OSMR: variants seen among roughly 807,000 people sequenced by gnomAD.
OSMR encodes oncostatin M receptor.
In OSMR, 81 loss-of-function variants were observed where a neutral mutation model predicts 99.9. That is an observed-to-expected ratio of 0.81 (90% CI 0.68 to 0.97). The LOEUF is 0.97. Ranked by LOEUF, OSMR falls within the 50% of genes least tolerant of loss-of-function variation. OSMR has a pLI of 0.00. For synonymous variants in OSMR, 406 were observed against 410.4 expected (o/e 0.99, Z 0.13); for missense variants, 1,099 against 1,153.4 (o/e 0.95, Z 0.68).
At chr5:38,881,265 G>T (rs1362553192) in intron 3 of OSMR, among the ~76,000 whole-genome samples, 2 of 152,000 alleles carry the variant, frequency 1.3e-5, no homozygotes, top group African/African-American at 4.8e-5. Context: ...GATTCTCTGG[G>T]ACTGGCACAG....
chr5:38,904,860 T>C (rs1226300533), intron 9 of OSMR, among the ~76,000 whole-genome samples: 2 of 152,226 alleles, frequency 1.3e-5, no homozygotes, highest in African/African-American at 4.8e-5. Context: ...AGCATTGGTC[T>C]CATCCTAAAC....
At chr5:38,882,897 C>T (rs186789792) in intron 4 of OSMR, among the ~76,000 whole-genome samples, 7 of 152,316 alleles carry the variant, frequency 4.6e-5, no homozygotes, top group East Asian at 1.9e-4. Context: ...AAGGTCACCA[C>T]GCCACTAAGT....
chr5:38,915,051 TAGGG>T (rs771940241), intron 9 of OSMR, among the ~76,000 whole-genome samples: 3 of 152,158 alleles, frequency 2.0e-5, no homozygotes, highest in Non-Finnish European at 4.4e-5. Context: ...TAAAATGTAA[TAGGG>T]AGGGATATGA....
At chr5:38,925,912 AC>A (rs1414187305) in intron 15 of OSMR, among the ~76,000 whole-genome samples, 1 of 152,206 alleles carries the variant, frequency 6.6e-6, no homozygotes, top group African/African-American at 2.4e-5. Context: ...ATACTTGCTC[AC>A]AAACTCCCTG....
rs553853777 is a variant in OSMR at position 38,886,957 on chromosome 5, C to G, written c.991+767C>G. 2.6e-5 allele frequency among the ~76,000 whole-genome samples: 4 copies of G among 152,288 alleles called. No homozygotes were observed. In the East Asian group the frequency reaches 7.7e-4, roughly 29 times the overall value. On this transcript the variant is annotated intron_variant, in intron 7 of 17. Coordinates refer to ENST00000274276, the MANE Select transcript of OSMR (RefSeq NM_003999.3). ...CAATTATACTCCCACCCTGTAGATT[C>G]ATATATTCTTACCAAGTTGGTATTG...
chr5:38,942,452 A>T lies in OSMR; in HGVS notation c.75-1749A>T, dbSNP rs1026035890. ...TATAACATATTTATATAAATATCTA[A>T]TTTTTTTTTTTTTTTGAGATAGGGT... On this transcript the variant is annotated intron_variant and NMD_transcript_variant, in intron 1 of 2. Coordinates refer to the OSMR transcript ENST00000508882. 45 of 564,528 alleles carry T rather than the reference A, an allele frequency of 8.0e-5. 1 individual carries two copies. The highest frequency in any genetic ancestry group is 4.6e-4 in the South Asian group (11 of 23,894). 35.0% of individuals were successfully genotyped at this position (564,528 alleles called of 1,614,324 possible). A position where few individuals can be genotyped will look rare whatever the true frequency, so the allele number is the denominator to read the frequency against.
At chr5:38,927,739 TAC>T (rs1183449376) in intron 15 of OSMR, among the ~76,000 whole-genome samples, 1 of 152,204 alleles carries the variant, frequency 6.6e-6, no homozygotes, top group Non-Finnish European at 1.5e-5. Context: ...ATTTTTCAGA[TAC>T]ACGTGGCTGT....
chr5:38,920,546 T>C (rs770665952), intron 11 of OSMR, among the ~76,000 whole-genome samples: 4 of 152,202 alleles, frequency 2.6e-5, no homozygotes, highest in Non-Finnish European at 4.4e-5. Flanking sequence ...GTGGATGGGA[T>C]CTATAAAGCC....
intron 4 of OSMR, 106 bp from the exon 5 acceptor site, chr5:38,883,721 G>A: frequency 6.3e-7 from 1 of 1,590,068 alleles, no homozygotes; most frequent in Admixed American, 1.7e-5. Flanking sequence ...TTTTCTCCAG[G>A]AGGTAGAAAA....
intron 9 of OSMR, among the ~76,000 whole-genome samples, chr5:38,916,053 A>G (rs1425744236): frequency 1.3e-5 from 2 of 152,182 alleles, no homozygotes; most frequent in African/African-American, 2.4e-5. Context: ...TGTGAAGTTC[A>G]TACCATGACA....
chr5:38,942,449 C>T, intron 1 of OSMR: 1 of 791,070 alleles, frequency 1.3e-6, no homozygotes, highest in South Asian at 2.6e-5. Context: ...ATATAAATAT[C>T]TAATTTTTTT....
At chr5:38,911,026 C>T (rs1468438520) in intron 9 of OSMR, among the ~76,000 whole-genome samples, 2 of 151,794 alleles carry the variant, frequency 1.3e-5, no homozygotes, top group African/African-American at 2.4e-5. Context: ...CATCACACCT[C>T]AAAGAAGTAG....
intron 9 of OSMR, among the ~76,000 whole-genome samples, chr5:38,906,857 C>G (rs1220321864): frequency 6.6e-6 from 1 of 152,058 alleles, no homozygotes; most frequent in African/African-American, 2.4e-5. Context: ...AATTACTTGT[C>G]CTCTCACAAA....
chr5:38,885,279 C>T, intron 5 of OSMR, 70 bp from the exon 6 acceptor site: 2 of 1,606,118 alleles, frequency 1.2e-6, no homozygotes, highest in Admixed American at 3.4e-5. Flanking sequence ...AGACTCTAAA[C>T]AGAGCTTTCC....
chr5:38,885,535 C>A, intron 6 of OSMR, 51 bp downstream of exon 6: 1 of 1,605,968 alleles, frequency 6.2e-7, no homozygotes, highest in South Asian at 1.1e-5. Flanking sequence ...GCTTGAGGTG[C>A]TTGTGACAAC....
chr5:38,848,154 A>G (rs941260700), intron 1 of OSMR, among the ~76,000 whole-genome samples: 3 of 152,308 alleles, frequency 2.0e-5, no homozygotes, highest in African/African-American at 7.2e-5. Context: ...GCTGCAGTAG[A>G]AGAGAATCTT....
chr5:38,943,092 G>C (rs948594297), intron 1 of OSMR: 5 of 589,676 alleles, frequency 8.5e-6, no homozygotes, highest in East Asian at 5.5e-5. Context: ...GGCATACTTG[G>C]GGTGATGACT....
chr5:38,885,774 T>C (rs540565142), intron 6 of OSMR: 2 of 722,616 alleles, frequency 2.8e-6, no homozygotes, highest in Admixed American at 1.3e-4. Flanking sequence ...TTTCTGACTT[T>C]TTAGGAATAT....
At chr5:38,893,998 C>A (rs1314524127) in intron 7 of OSMR, among the ~76,000 whole-genome samples, 1 of 152,160 alleles carries the variant, frequency 6.6e-6, no homozygotes, top group Non-Finnish European at 1.5e-5. Flanking sequence ...ACCTTACAAG[C>A]CAGAAGAGAT....
Sources: allele counts gnomAD v4.1 joint callset (sites outside exome capture counted in the v4.1 genomes callset), GRCh38; gene constraint gnomAD v4.1.1; transcripts MANE v1.5; gene names NCBI Gene and HGNC (gene_info 2026-07-23, HGNC 2026-07-21).